KDM5A: variants seen among roughly 807,000 people sequenced by gnomAD.
The protein encoded by KDM5A is lysine demethylase 5A.
Under a neutral mutation model 193.5 loss-of-function variants are expected in KDM5A, and 42 were observed. The ratio of observed to expected loss-of-function variants is 0.22; its 90% CI spans 0.17 to 0.28. The LOEUF is 0.28. Ranked by LOEUF, KDM5A falls within the 10% of genes least tolerant of loss-of-function variation. The pLI is 1.00. For missense variants in KDM5A, 1,692 were observed against 2,055.1 expected (o/e 0.82, Z 3.42); for synonymous variants, 796 against 718.1 (o/e 1.11, Z -1.73).
rs188569193 is a variant in KDM5A, at chr12:329,169, T to C, written c.1774-140A>G. 3.0e-4 allele frequency: 219 copies of C among 735,262 alleles called. 1 individual carries two copies. The African/African-American group carries it at 3.0e-3, about 10-fold the overall frequency. The allele number at this position is 735,262 out of a possible 1,614,324, so 45.5% of individuals were successfully genotyped here. A position where few individuals can be genotyped will look rare whatever the true frequency, so the allele number is the denominator to read the frequency against. On this transcript the variant is annotated intron_variant, in intron 13 of 27. Transcript: ENST00000399788. ...ATTTAAATATAAAGAGGCAATATTC[T>C]ATTAACTGTAAATATTAACCCTGTA...
rs193278442 is a variant in KDM5A at position 345,715 on chromosome 12, A to C, written c.1308+4906T>G. Among the ~76,000 whole-genome samples the C allele has an allele frequency of 4.3e-3, 652 of 152,310 alleles. 2 individuals carry two copies. The highest frequency in any genetic ancestry group is 9.9e-3 in the African/African-American group (412 of 41,576). ...CAGAAATAAAGATGTTCTTTGAAACAAATGAGAACAAAAACACAACATACC... is the reference window on the plus strand; with the variant it reads ...CAGAAATAAAGATGTTCTTTGAAACCAATGAGAACAAAAACACAACATACC... On this transcript the variant is annotated intron_variant, in intron 10 of 27. Transcript: ENST00000399788.
At chr12:388,639 TA>T (rs1186356042) in intron 1 of KDM5A, 2 of 508,104 alleles carry the variant, frequency 3.9e-6, no homozygotes, top group Admixed American at 6.5e-5. Context: ...TACTGTACTT[TA>T]AACACCATAT....
intron 3 of KDM5A, among the ~76,000 whole-genome samples, chr12:371,616 C>T (rs1194250991): frequency 1.3e-5 from 2 of 152,112 alleles, no homozygotes; most frequent in Admixed American, 1.3e-4. Context: ...TTAATTAGAT[C>T]CCATTTGTCT....
At chr12:365,163 C>G (rs1198580217) in intron 4 of KDM5A, among the ~76,000 whole-genome samples, 1 of 152,106 alleles carries the variant, frequency 6.6e-6, no homozygotes, top group Non-Finnish European at 1.5e-5. Flanking sequence ...AGCAATCATC[C>G]TACCACAGTC....
At chr12:355,745 C>T (rs1030173716) in intron 6 of KDM5A, among the ~76,000 whole-genome samples, 1 of 152,212 alleles carries the variant, frequency 6.6e-6, no homozygotes, top group African/African-American at 2.4e-5. Flanking sequence ...TTCTAGAGTT[C>T]AGTCCACTAT....
intron 20 of KDM5A, among the ~76,000 whole-genome samples, chr12:311,513 A>C (rs1943586273): frequency 6.6e-6 from 1 of 152,052 alleles, no homozygotes; most frequent in Non-Finnish European, 1.5e-5. Flanking sequence ...CAGAGGAAAC[A>C]CATGATAGTT....
chr12:329,182 T>A (rs1040693902), intron 13 of KDM5A, 153 bp from the exon 14 acceptor site: 1 of 697,560 alleles, frequency 1.4e-6, no homozygotes, highest in Admixed American at 2.3e-5. Flanking sequence ...TAACTGTAAA[T>A]ATTAACCCTG....
chr12:323,229 A>AAAAAAAAAAAAAAAAAG, intron 15 of KDM5A, 23 bp from the exon 16 acceptor site: 3 of 1,495,418 alleles, frequency 2.0e-6, no homozygotes, highest in South Asian at 1.3e-5. Flanking sequence ...AAAAAAAAAA[A>AAAAAAAAAAAAAAAAAG]AAAAAAAAAA....
At chr12:322,340 C>G (rs931163591) in intron 17 of KDM5A, 77 bp downstream of exon 17, 24 of 1,379,264 alleles carry the variant, frequency 1.7e-5, no homozygotes, top group Middle Eastern at 1.9e-4. Context: ...TACGGCTTCA[C>G]AGGCCGGATA....
intron 3 of KDM5A, among the ~76,000 whole-genome samples, chr12:367,418 T>C (rs7138890): frequency 0.7 from 106,953 of 151,934 alleles, 37,856 homozygotes; most frequent in Middle Eastern, 0.78. Context: ...CTGGGCAGGT[T>C]GGGCAGGGTG....
At chr12:382,385 C>T (rs1395706500) in intron 3 of KDM5A, among the ~76,000 whole-genome samples, 1 of 151,768 alleles carries the variant, frequency 6.6e-6, no homozygotes, top group Non-Finnish European at 1.5e-5. Context: ...ATCACTTGAA[C>T]CCGGGAGGTG....
intron 5 of KDM5A, among the ~76,000 whole-genome samples, chr12:362,709 A>T (rs1285737177): frequency 1.3e-5 from 2 of 152,248 alleles, no homozygotes; most frequent in African/African-American, 4.8e-5. Context: ...AATGAAAAAT[A>T]TGGCTCAAGG....
intron 24 of KDM5A, among the ~76,000 whole-genome samples, chr12:302,485 T>A (rs1035727487): frequency 1.3e-5 from 2 of 152,226 alleles, no homozygotes; most frequent in African/African-American, 4.8e-5. Context: ...AAGCTGAAAC[T>A]GGATCCCTTC....
chr12:296,905 A>G lies in KDM5A; in HGVS notation c.4234+136T>C, dbSNP rs531714998. On this transcript the variant is annotated intron_variant, in intron 25 of 27. Coordinates refer to ENST00000399788, the MANE Select transcript of KDM5A (RefSeq NM_001042603.3). ...ATTGGCTTTTCCAAAAGAAAACAGC[A>G]TTTTCAGGTTCCATTAGTATTTCAT... The G allele has an allele frequency of 6.7e-6, 6 of 889,966 alleles. No individual in the cohort carries two copies. The Admixed American group carries it at 1.2e-4, about 18-fold the overall frequency. 55.1% of individuals were successfully genotyped at this position (889,966 alleles called of 1,614,324 possible).
intron 3 of KDM5A, among the ~76,000 whole-genome samples, chr12:371,949 T>C (rs998071858): frequency 1.5e-4 from 23 of 152,186 alleles, no homozygotes; most frequent in African/African-American, 5.3e-4. Flanking sequence ...TTCTGTTCCA[T>C]TGGTCTCTAT....
At chr12:388,646 C>A (rs985775259) in intron 1 of KDM5A, 20 of 524,688 alleles carry the variant, frequency 3.8e-5, no homozygotes, top group African/African-American at 3.4e-4. Flanking sequence ...CTTTAAACAC[C>A]ATATCGGCTA....
At chr12:360,104 C>T (rs564801165) in intron 5 of KDM5A, among the ~76,000 whole-genome samples, 1 of 152,142 alleles carries the variant, frequency 6.6e-6, no homozygotes, top group Non-Finnish European at 1.5e-5. Flanking sequence ...GAAACCCTGT[C>T]TCTACTAAAA....
chr12:383,835 G>A lies in KDM5A; in HGVS notation c.366+196C>T, dbSNP rs551864546. Among the ~76,000 whole-genome samples the A allele has an allele frequency of 6.6e-5, 10 of 150,824 alleles. No homozygotes were observed. In the South Asian group the frequency reaches 8.4e-4, roughly 13 times the overall value. ...GCGATCTCAGCTCACCACAACCTCC[G>A]CCTCCTGGGTTCAAGCAATTCTCCT... On this transcript the variant is annotated intron_variant, in intron 3 of 27. Transcript: ENST00000399788.
intron 2 of KDM5A, among the ~76,000 whole-genome samples, chr12:384,932 G>A (rs1403174796): frequency 1.3e-5 from 2 of 152,198 alleles, no homozygotes; most frequent in African/African-American, 2.4e-5. Context: ...GCTCACGCCT[G>A]TAATCCCAGC....
Sources: gnomAD v4.1 joint callset for allele counts (sites outside exome capture counted in the v4.1 genomes callset) on GRCh38, gnomAD v4.1.1 for gene constraint, MANE v1.5 for transcripts, NCBI Gene and HGNC (gene_info 2026-07-23, HGNC 2026-07-21) for gene names.